The following NFIB variants were observed in gnomAD, a reference collection of about 807,000 sequenced individuals.
The protein encoded by NFIB is nuclear factor 1 B-type.
In NFIB, 11 loss-of-function variants were observed where a neutral mutation model predicts 61.5. That is an observed-to-expected ratio of 0.18 (90% CI 0.11 to 0.30). The LOEUF (loss-of-function observed/expected upper bound fraction) is 0.30. NFIB is among the 10% of genes least tolerant of loss of function. The pLI, the probability that NFIB is intolerant of heterozygous loss-of-function variation, is 1.00. For missense variants in NFIB, 471 were observed against 608.9 expected (o/e 0.77, Z 2.38); for synonymous variants, 260 against 216.5 (o/e 1.20, Z -1.76).
chr9:14,375,784 G>A (rs1021771673), intron 1 of NFIB, among the ~76,000 whole-genome samples: 21 of 152,166 alleles, frequency 1.4e-4, no homozygotes, highest in African/African-American at 4.8e-4. Context: ...AAAAATTACT[G>A]TCCCAAATGA....
chr9:14,217,090 C>T (rs1404723901), intron 2 of NFIB, among the ~76,000 whole-genome samples: 1 of 152,158 alleles, frequency 6.6e-6, no homozygotes, highest in Non-Finnish European at 1.5e-5. Context: ...TGTTATGCCC[C>T]AAAACCTTAT....
chr9:14,301,702 G>A (rs1414395017), intron 2 of NFIB, among the ~76,000 whole-genome samples: 1 of 152,152 alleles, frequency 6.6e-6, no homozygotes, highest in Non-Finnish European at 1.5e-5. Flanking sequence ...TGGGGCCTCA[G>A]AGTTTAACTC....
chr9:14,093,185 G>T (rs1479294395), intron 10 of NFIB, among the ~76,000 whole-genome samples: 3 of 152,022 alleles, frequency 2.0e-5, no homozygotes, highest in African/African-American at 4.8e-5. Flanking sequence ...AACAATAAGA[G>T]CTATTTTAAG....
chr9:14,438,395 A>G, the NFIB span, among the ~76,000 whole-genome samples: 1 of 152,198 alleles, frequency 6.6e-6, no homozygotes, highest in Non-Finnish European at 1.5e-5. Flanking sequence ...CTGAGAGAGC[A>G]TGAAACACCA....
At chr9:14,145,599 C>T (rs2042192707) in intron 6 of NFIB, among the ~76,000 whole-genome samples, 1 of 151,938 alleles carries the variant, frequency 6.6e-6, no homozygotes, top group African/African-American at 2.4e-5. Context: ...CCAACCCTCA[C>T]CAATACACAC....
chr9:14,464,438 A>G, the NFIB span, among the ~76,000 whole-genome samples: 4 of 152,238 alleles, frequency 2.6e-5, no homozygotes, highest in Non-Finnish European at 5.9e-5. Flanking sequence ...CACATTTTCA[A>G]CATGGAAAAC....
At chr9:14,187,481 T>C (rs1253671142) in intron 2 of NFIB, among the ~76,000 whole-genome samples, 2 of 152,192 alleles carry the variant, frequency 1.3e-5, no homozygotes, top group East Asian at 1.9e-4. Flanking sequence ...GCAAAACGCA[T>C]AGTTTAAAAA....
At chr9:14,155,210 C>T (rs941806240) in intron 4 of NFIB, among the ~76,000 whole-genome samples, 2 of 152,116 alleles carry the variant, frequency 1.3e-5, no homozygotes, top group Admixed American at 6.6e-5. Flanking sequence ...ATCAAGGTAA[C>T]GTCCCCTTTG....
At chr9:14,476,253 T>G in the NFIB span, among the ~76,000 whole-genome samples, 2 of 152,008 alleles carry the variant, frequency 1.3e-5, no homozygotes, top group East Asian at 1.9e-4. Flanking sequence ...TTTGTTTTTT[T>G]TTTTTTTCAC....
the NFIB span, among the ~76,000 whole-genome samples, chr9:14,512,519 T>A: frequency 6.6e-6 from 1 of 152,312 alleles, no homozygotes; most frequent in East Asian, 1.9e-4. Flanking sequence ...ATGGGTTTTT[T>A]TCTGTTTTGA....
At chr9:14,385,289 AG>A (rs1254177619) in intron 1 of NFIB, among the ~76,000 whole-genome samples, 1 of 152,192 alleles carries the variant, frequency 6.6e-6, no homozygotes, top group Non-Finnish European at 1.5e-5. Context: ...TTGGGACCCA[AG>A]CCCCACAGTC....
At chr9:14,471,254 A>G in the NFIB span, among the ~76,000 whole-genome samples, 1 of 152,232 alleles carries the variant, frequency 6.6e-6, no homozygotes, top group African/African-American at 2.4e-5. Flanking sequence ...CACTGATGTT[A>G]CGCATGTAGG....
chr9:14,343,215 T>C (rs915546832), intron 1 of NFIB, among the ~76,000 whole-genome samples: 2 of 152,190 alleles, frequency 1.3e-5, no homozygotes, highest in African/African-American at 4.8e-5. Context: ...TCAACCATCC[T>C]TGGAGAAGTT....
intron 6 of NFIB, 40 bp downstream of exon 6, chr9:14,146,649 T>A (rs987438864): frequency 1.9e-6 from 3 of 1,612,180 alleles, no homozygotes; most frequent in Admixed American, 3.3e-5. Context: ...CGAGCCAACA[T>A]TTTACTCATG....
chr9:14,194,316 A>G (rs1376189680), intron 2 of NFIB, among the ~76,000 whole-genome samples: 2 of 152,170 alleles, frequency 1.3e-5, no homozygotes, highest in Non-Finnish European at 2.9e-5. Context: ...TGTGACAGGT[A>G]AGCTAAGAGA....
Position 14,120,805 on chromosome 9 carries a change from G to A in NFIB, c.1061-181C>T, listed in dbSNP as rs2038824423. Reference sequence around the variant, plus strand: ...CATTTTTATTCTCAACACCAGTACGGCTAACTACACAGAGATAAAACATCA... The same window carrying A: ...CATTTTTATTCTCAACACCAGTACGACTAACTACACAGAGATAAAACATCA... On this transcript the variant is annotated intron_variant, in intron 7 of 10. Transcript: ENST00000380953. The surrounding 1 kb of genome is among the most constrained non-coding windows in gnomAD (Gnocchi z 4.4). 1.3e-5 allele frequency among the ~76,000 whole-genome samples: 2 copies of A among 152,046 alleles called. No homozygotes were observed. Among genetic ancestry groups the A allele is most frequent in the East Asian group, 1.9e-4 (1 of 5,188 alleles).
the NFIB span, among the ~76,000 whole-genome samples, chr9:14,425,898 G>A: frequency 1.3e-5 from 2 of 152,060 alleles, no homozygotes; most frequent in African/African-American, 2.4e-5. Flanking sequence ...GATGCTCTAG[G>A]GGGAACCTCA....
intron 1 of NFIB, among the ~76,000 whole-genome samples, chr9:14,322,993 C>T (rs1381274079): frequency 6.6e-6 from 1 of 152,210 alleles, no homozygotes; most frequent in Non-Finnish European, 1.5e-5. Flanking sequence ...CGCGGAAAGA[C>T]TCTAAAACAA....
chr9:14,328,528 C>G (rs1356172292), intron 1 of NFIB, among the ~76,000 whole-genome samples: 1 of 151,820 alleles, frequency 6.6e-6, no homozygotes, highest in Non-Finnish European at 1.5e-5. Flanking sequence ...AGTAGAGATA[C>G]TTTAAATGAA....
Sources: allele counts gnomAD v4.1 joint callset (sites outside exome capture counted in the v4.1 genomes callset), GRCh38; gene constraint gnomAD v4.1.1; non-coding constraint Gnocchi (gnomAD v3.1); transcripts MANE v1.5; gene names NCBI Gene and HGNC (gene_info 2026-07-23, HGNC 2026-07-21).